Variants in ANP32B observed in about 807,000 individuals in gnomAD.
ANP32B encodes the protein acidic nuclear phosphoprotein 32 family member B.
Under a neutral mutation model 32.2 loss-of-function variants are expected in ANP32B, and 6 were observed. The observed-to-expected ratio is 0.19, with a 90% confidence interval of 0.10 to 0.37. The LOEUF is 0.37. Ranked by LOEUF, ANP32B falls within the 10% of genes least tolerant of loss-of-function variation. The pLI, the probability that ANP32B is intolerant of heterozygous loss-of-function variation, is 1.00. For synonymous variants in ANP32B, 98 were observed against 105.8 expected, an observed-to-expected ratio of 0.93 and a Z score of 0.45; for missense variants, 204 against 289.2, an observed-to-expected ratio of 0.71 and a Z score of 2.14.
chr9:97,985,823 C>A (rs1827720365), intron 1 of ANP32B, among the ~76,000 whole-genome samples: 1 of 151,806 alleles, frequency 6.6e-6, no homozygotes, highest in African/African-American at 2.4e-5. Flanking sequence ...TTTCTTTTTT[C>A]TGTTTTTCTT....
At chr9:97,986,428 C>T (rs1360102386) in intron 1 of ANP32B, 1 of 152,258 alleles carries the variant, frequency 6.6e-6, no homozygotes, top group East Asian at 1.9e-4. Flanking sequence ...AGGAAGGTTC[C>T]CTTAGGGAGA....
chr9:98,007,711 A>G (rs956696617), intron 4 of ANP32B, among the ~76,000 whole-genome samples: 2 of 152,206 alleles, frequency 1.3e-5, no homozygotes, highest in East Asian at 1.9e-4. Context: ...ATGTGAGTCT[A>G]TGCACTGTGT....
rs1206053902 is a variant in ANP32B, at chr9:97,994,336, A to G, written c.55-295A>G. On this transcript the variant is annotated intron_variant, in intron 1 of 6. Transcript: ENST00000339399. ...GGGAACAGGCTGGAGAAAAGAAATA[A>G]GGGGAATACGCTTACTTCACTTATA... Among the ~76,000 whole-genome samples, 4 of 152,274 alleles carry G rather than the reference A, an allele frequency of 2.6e-5. No homozygotes were observed. The East Asian group carries it at 7.7e-4, about 29-fold the overall frequency.
At chr9:97,995,765 A>G (rs930972711) in intron 2 of ANP32B, among the ~76,000 whole-genome samples, 2 of 152,028 alleles carry the variant, frequency 1.3e-5, no homozygotes, top group South Asian at 2.1e-4. Flanking sequence ...TACTAAAAAT[A>G]CAAAAAAATC....
chr9:98,006,904 C>G lies in ANP32B; in HGVS notation c.517+1751C>G, dbSNP rs1212991813. 3.3e-5 allele frequency among the ~76,000 whole-genome samples: 5 copies of G among 152,162 alleles called. No homozygotes were observed. In the East Asian group the frequency reaches 7.7e-4, roughly 24 times the overall value. On this transcript the variant is annotated intron_variant, in intron 4 of 6. Coordinates refer to ENST00000339399, the MANE Select transcript of ANP32B (RefSeq NM_006401.3). Reference sequence around the variant, plus strand: ...TCGGGAGGCTGAGGCATGAGAATTGCTTGAACCTGGGAGGCGGAGGTTGCA... The same window carrying G: ...TCGGGAGGCTGAGGCATGAGAATTGGTTGAACCTGGGAGGCGGAGGTTGCA...
intron 3 of ANP32B, among the ~76,000 whole-genome samples, chr9:98,003,362 T>C (rs1828026202): frequency 6.6e-6 from 1 of 152,186 alleles, no homozygotes; most frequent in African/African-American, 2.4e-5. Context: ...GTAGCCCTTT[T>C]CTCTAAGGGC....
At chr9:97,985,742 C>T (rs1436963626) in intron 1 of ANP32B, among the ~76,000 whole-genome samples, 2 of 152,118 alleles carry the variant, frequency 1.3e-5, no homozygotes, top group Non-Finnish European at 2.9e-5. Flanking sequence ...TCTGCTGTTC[C>T]CCTTAGAGGA....
At chr9:98,003,223 A>G (rs768463617) in intron 3 of ANP32B, among the ~76,000 whole-genome samples, 1 of 152,186 alleles carries the variant, frequency 6.6e-6, no homozygotes, top group Non-Finnish European at 1.5e-5. Context: ...TCATTGTACA[A>G]TTTGTGTTTT....
intron 1 of ANP32B, among the ~76,000 whole-genome samples, chr9:97,984,887 C>T (rs1314377518): frequency 6.6e-6 from 1 of 150,780 alleles, no homozygotes; most frequent in Non-Finnish European, 1.5e-5. Flanking sequence ...GCTCGTGGGC[C>T]GGGCGGCCTC....
chr9:98,009,934 G>A (rs1308477935), intron 4 of ANP32B, among the ~76,000 whole-genome samples: 1 of 152,122 alleles, frequency 6.6e-6, no homozygotes, highest in African/African-American at 2.4e-5. Flanking sequence ...GTTATAAGGT[G>A]GTAAAATGGA....
In ANP32B at chr9:97,988,232, C is replaced by G. The variant is rs181496498; in HGVS notation, c.54+4623C>G. 4.0e-3 allele frequency among the ~76,000 whole-genome samples: 604 copies of G among 152,188 alleles called. 3 individuals carry two copies. Among genetic ancestry groups the G allele is most frequent in the African/African-American group, 0.013 (554 of 41,512 alleles). ...TGCATAGATCATAATTTAAACATCC[C>G]TCTCAGGTTGTTCACAGGGATTTTG... On this transcript the variant is annotated intron_variant, in intron 1 of 6. Coordinates refer to ENST00000339399, the MANE Select transcript of ANP32B (RefSeq NM_006401.3).
rs374378445 is a variant in ANP32B at position 97,983,599 on chromosome 9, C to T, written c.44C>T (p.Thr15Ile). ...ATCCACCTGGAGCTGAGGAACCGGA[C>T]CCCGGCAGCTGTAAGCAGAGACCCC... is the stretch of plus-strand genomic sequence containing the variant. ...RRIHLELRNR[T>I]PAAVRELVLD... is the part of the protein sequence containing the mutation. Residue 15 changes from threonine (T) to isoleucine (I), a missense_variant, in exon 1 of 7, where the codon ACC (threonine) becomes ATC (isoleucine). Physicochemically the swap from Thr to Ile is moderately conservative, Grantham distance 89. Transcript: ENST00000339399. 51 of 1,581,926 alleles carry T rather than the reference C, an allele frequency of 3.2e-5. 1 individual carries two copies. In the African/African-American group the frequency reaches 6.8e-4, roughly 21 times the overall value.
intron 3 of ANP32B, 115 bp downstream of exon 3, chr9:97,998,793 T>TC (rs1236785317): frequency 9.5e-6 from 1 of 105,468 alleles, no homozygotes; most frequent in Non-Finnish European, 1.4e-5. Flanking sequence ...GGTGGCTTTT[T>TC]TTTTTTTTTT....
At chr9:97,997,204 C>T (rs1184107998) in intron 2 of ANP32B, among the ~76,000 whole-genome samples, 3 of 152,148 alleles carry the variant, frequency 2.0e-5, no homozygotes, top group Non-Finnish European at 4.4e-5. Flanking sequence ...ACACTTGACT[C>T]TATTGATTAT....
rs199825603 is a variant in ANP32B, at chr9:98,015,544, C to T, written c.*113C>T. 1.2e-4 allele frequency: 170 copies of T among 1,412,512 alleles called. 2 individuals are homozygous for T. The highest frequency in any genetic ancestry group is 1.5e-4 in the Non-Finnish European group (166 of 1,078,810). 87.5% of individuals were successfully genotyped at this position (1,412,512 alleles called of 1,614,324 possible). A position where few individuals can be genotyped will look rare whatever the true frequency, so the allele number is the denominator to read the frequency against. ...TAGCTGTGATACAAACCCCAGGACACCCACCCACCCAAAGAGCCAAAGAAT... is the reference window on the plus strand; with the variant it reads ...TAGCTGTGATACAAACCCCAGGACATCCACCCACCCAAAGAGCCAAAGAAT... On this transcript the variant is annotated 3_prime_UTR_variant, in exon 7 of 7. Transcript: ENST00000339399.
At chr9:97,993,237 A>C (rs2131583427) in intron 1 of ANP32B, among the ~76,000 whole-genome samples, 1 of 152,302 alleles carries the variant, frequency 6.6e-6, no homozygotes, top group Non-Finnish European at 1.5e-5. Context: ...TGCTGACTTG[A>C]AATCTGTTTC....
At chr9:97,999,030 A>G (rs1438823255) in intron 3 of ANP32B, among the ~76,000 whole-genome samples, 1 of 104,910 alleles carries the variant, frequency 9.5e-6, no homozygotes, top group Non-Finnish European at 1.9e-5. Context: ...GATGGTCTCG[A>G]TCTCCTGACC....
At chr9:97,999,578 A>T (rs1036616096) in intron 3 of ANP32B, among the ~76,000 whole-genome samples, 1 of 152,192 alleles carries the variant, frequency 6.6e-6, no homozygotes, top group Non-Finnish European at 1.5e-5. Flanking sequence ...TGTAGACTTG[A>T]TGTGTGACCT....
intron 2 of ANP32B, among the ~76,000 whole-genome samples, chr9:97,996,819 C>T (rs1362482997): frequency 1.3e-5 from 2 of 151,340 alleles, no homozygotes; most frequent in African/African-American, 4.9e-5. Context: ...AGGCTGGTTT[C>T]GAACTCCTGA....
Sources: gnomAD v4.1 joint callset for allele counts (sites outside exome capture counted in the v4.1 genomes callset) on GRCh38, gnomAD v4.1.1 for gene constraint, MANE v1.5 for transcripts, NCBI Gene and HGNC (gene_info 2026-07-23, HGNC 2026-07-21) for gene names.